The following TFE3 variants were observed in gnomAD, a reference collection of about 807,000 sequenced individuals.
TFE3 encodes transcription factor E3.
Under a neutral mutation model 35.0 loss-of-function variants are expected in TFE3, and 5 were observed. That is an observed-to-expected ratio of 0.14 (90% confidence interval 0.07 to 0.30). The LOEUF (loss-of-function observed/expected upper bound fraction) is 0.30. TFE3 is among the 10% of genes least tolerant of loss of function. TFE3 has a pLI of 1.00. For synonymous variants in TFE3, 211 were observed against 215.6 expected (o/e 0.98, Z 0.18); for missense variants, 374 against 496.6 (o/e 0.75, Z 2.35).
In TFE3 at chrX:49,031,491, C is replaced by T. The variant is rs868939950; in HGVS notation, c.1190G>A (p.Arg397His). The T allele has an allele frequency of 2.5e-6, 3 of 1,199,830 alleles. No individual in the cohort carries two copies. Among genetic ancestry groups the T allele is most frequent in the Non-Finnish European group, 3.4e-6 (3 of 890,071 alleles). The stretch of plus-strand genomic sequence containing the variant: ...GCGCTGCTGCTCCTTCTGCAGCTTG[C>T]GGATATAATCCACAGAGGCCTTCAG... Reference protein sequence around the residue: ...TILKASVDYIRKLQKEQQRSK... With the variant: ...TILKASVDYIHKLQKEQQRSK... The change falls in exon 9 of 10, where the codon CGC becomes CAC. Residue 397 changes from arginine (R) to histidine (H), a missense_variant. Coordinates refer to ENST00000315869, the MANE Select transcript of TFE3 (RefSeq NM_006521.6).
At position 49,030,563 on chromosome X, in the gene TFE3, T is replaced by C. The variant is rs3027472; in HGVS notation, c.1323A>G (p.Val441=). 0.46 allele frequency: 557,159 copies of C among 1,207,205 alleles called. 93,853 individuals are homozygous for C. The highest frequency in any genetic ancestry group is 0.57 in the Middle Eastern group (2,481 of 4,338). Residue 441 remains valine (V), a synonymous_variant, in exon 10 of 10, where the codon GTA becomes GTG. Coordinates refer to ENST00000315869, the MANE Select transcript of TFE3 (RefSeq NM_006521.6). ...ELQAQIHGLP[V]PPTPGLLSLA... ...AGGAAAGCAGCCCTGGAGTGGGAGG[T>C]ACTGGCAGGCCATGGATCTGGGCCT...
At position 49,031,469 on chromosome X, in the gene TFE3, C is replaced by T; in HGVS notation, c.1212G>A (p.Gln404=). The stretch of plus-strand genomic sequence containing the variant: ...GCCGGCTCTCCAGGTCTTTGGAGCG[C>T]TGCTGCTCCTTCTGCAGCTTGCGGA... The part of the protein sequence containing the change: ...DYIRKLQKEQ[Q]RSKDLESRQR... The change falls in exon 9 of 10, where the codon CAG becomes CAA. Residue 404 remains glutamine (Q), a synonymous_variant. Transcript: ENST00000315869. 8.3e-7 allele frequency: 1 copy of T among 1,204,698 alleles called. No homozygotes were observed. The highest frequency in any genetic ancestry group is 1.8e-5 in the South Asian group (1 of 55,651).
At chrX:49,036,847 G>A (rs1341250760) in intron 5 of TFE3, among the ~76,000 whole-genome samples, 5 of 111,742 alleles carry the variant, frequency 4.5e-5, no homozygotes, top group Non-Finnish European at 9.4e-5. Context: ...TGAGACTCTT[G>A]GAGTGTTCAA....
At chrX:49,039,516 C>G (rs2064749414) in intron 2 of TFE3, 106 bp from the exon 3 acceptor site, 1 of 890,183 alleles carries the variant, frequency 1.1e-6, no homozygotes, top group Non-Finnish European at 1.5e-6. Context: ...CAGGCCTGTT[C>G]TCTGCCTTCC....
At chrX:49,033,602 G>A (rs1457478526) in intron 7 of TFE3, 62 bp from the exon 8 acceptor site, 18 of 1,184,646 alleles carry the variant, frequency 1.5e-5, no homozygotes, top group Non-Finnish European at 2.1e-5. Flanking sequence ...AGCCAAAAAT[G>A]GAAGAGACAG....
intron 9 of TFE3, among the ~76,000 whole-genome samples, 159 bp from the exon 10 acceptor site, chrX:49,030,760 A>C (rs2064695507): frequency 8.9e-6 from 1 of 111,736 alleles, no homozygotes; most frequent in Non-Finnish European, 1.9e-5. Context: ...ACATCTCTGA[A>C]GCTTCAGAGT....
Position 49,029,163 on chromosome X carries a change from CCTGAACT to C in TFE3, c.*988_*994del. ...AATACTGAGGTACTGGTTCTGGTAA[CCTGAACT>C]CAGTCCCCCACTAATACCCATCACC... On this transcript the variant is annotated 3_prime_UTR_variant, in exon 10 of 10. Transcript: ENST00000315869. 1 of 174,298 alleles carries C rather than the reference CCTGAACT, an allele frequency of 5.7e-6. No homozygotes were observed. The highest frequency in any genetic ancestry group is 1.1e-5 in the Non-Finnish European group (1 of 90,967). 14.4% of individuals were successfully genotyped at this position (174,298 alleles called of 1,213,427 possible). A position where few individuals can be genotyped will look rare whatever the true frequency, so the allele number is the denominator to read the frequency against.
chrX:49,028,977 G>A lies in TFE3; in HGVS notation c.*1181C>T, dbSNP rs142072134. 4.3e-3 allele frequency: 733 copies of A among 171,334 alleles called. 9 individuals are homozygous for A. Among genetic ancestry groups the A allele is most frequent in the African/African-American group, 0.02 (664 of 33,567 alleles). The allele number at this position is 171,334 out of a possible 1,213,427, so 14.1% of individuals were successfully genotyped here. On this transcript the variant is annotated 3_prime_UTR_variant, in exon 10 of 10. Transcript: ENST00000315869. ...GTGGCCTAGATTCTCAGTATGCGGA[G>A]CAATAAAAAAATCAGATAAACAAAT...
chrX:49,037,515 G>A (rs1490330536), intron 5 of TFE3, among the ~76,000 whole-genome samples: 10 of 109,212 alleles, frequency 9.2e-5, no homozygotes, highest in African/African-American at 3.3e-4. Flanking sequence ...CCTGACCAAC[G>A]TGATGAAACC....
intron 8 of TFE3, chrX:49,032,190 G>A (rs911091389): frequency 8.9e-6 from 1 of 111,983 alleles, no homozygotes; most frequent in Non-Finnish European, 1.9e-5. Context: ...TATGGTACCT[G>A]GCACAAACCA....
rs149649619 is a variant in TFE3 at position 49,030,447 on chromosome X, C to A, written c.1439G>T (p.Gly480Val). The A allele has an allele frequency of 2.8e-4, 336 of 1,209,577 alleles. No homozygotes were observed. The highest frequency in any genetic ancestry group is 2.8e-4 in the Non-Finnish European group (251 of 895,062). Residue 480 changes from glycine to valine, a missense_variant, in exon 10 of 10, where the codon GGG becomes GTG. Physicochemically the swap from Gly to Val is moderately radical, Grantham distance 109 (BLOSUM62 -3). Transcript: ENST00000315869. The stretch of plus-strand genomic sequence containing the variant: ...GGGAGCATTCTGGGCAGGTCCCCCC[C>A]CTACATGGAACGTTGCTGCGCCTGG... Reference protein sequence around the residue: ...GRPGAATFHVGGGPAQNAPHQ... With the variant: ...GRPGAATFHVVGGPAQNAPHQ...
chrX:49,030,047 G>T lies in TFE3; in HGVS notation c.*111C>A. The T allele has an allele frequency of 2.4e-6, 2 of 840,513 alleles. No individual in the cohort carries two copies. The highest frequency in any genetic ancestry group is 2.3e-5 in the South Asian group (1 of 42,676). 69.3% of individuals were successfully genotyped at this position (840,513 alleles called of 1,213,427 possible). ...CCTGATCACATCTCCTCTTCCCCCA[G>T]GATACCTGGGCAGGGCAGTCTCATG... On this transcript the variant is annotated 3_prime_UTR_variant, in exon 10 of 10. Transcript: ENST00000315869.
At chrX:49,031,608 C>A in intron 8 of TFE3, 64 bp from the exon 9 acceptor site, 3 of 1,091,754 alleles carry the variant, frequency 2.7e-6, no homozygotes, top group Middle Eastern at 2.5e-4. Flanking sequence ...GGAGCTGAGG[C>A]GGGGATTGCA....
In TFE3 at chrX:49,039,359, T is replaced by C. The variant is rs147902906; in HGVS notation, c.282A>G (p.Ala94=). 131 of 1,204,732 alleles carry C rather than the reference T, an allele frequency of 1.1e-4. No homozygotes were observed. Among genetic ancestry groups the C allele is most frequent in the Non-Finnish European group, 1.4e-4 (128 of 892,419 alleles). Residue 94 remains alanine, a synonymous_variant, in exon 3 of 10, where the codon GCA becomes GCG. Coordinates refer to ENST00000315869, the MANE Select transcript of TFE3 (RefSeq NM_006521.6). ...ATPATPATLS[A]SSSAGGSRTP... The stretch of plus-strand genomic sequence containing the variant: ...TCCTGGAGCCCCCTGCAGAAGACGA[T>C]GCAGAGAGTGTAGCTGGGGTGGCTG...
intron 1 of TFE3, 56 bp downstream of exon 1, chrX:49,043,055 G>A: frequency 9.7e-7 from 1 of 1,030,728 alleles, no homozygotes; most frequent in Non-Finnish European, 1.3e-6. Context: ...CACTGCCCCC[G>A]AGATCAGGCC....
At chrX:49,039,484 G>T in intron 2 of TFE3, 74 bp from the exon 3 acceptor site, 1 of 1,040,787 alleles carries the variant, frequency 9.6e-7, no homozygotes, top group Non-Finnish European at 1.3e-6. Flanking sequence ...GGGTCTTAGC[G>T]TGACGGAGCA....
At chrX:49,040,256 T>C (rs1557075500) in intron 2 of TFE3, among the ~76,000 whole-genome samples, 199 bp downstream of exon 2, 1 of 110,842 alleles carries the variant, frequency 9.0e-6, no homozygotes, top group Non-Finnish European at 1.9e-5. Context: ...AGGGGAGGTC[T>C]TGACAGAGAT....
At position 49,043,220 on chromosome X, in the gene TFE3, G is replaced by T. The variant is rs1013148614; in HGVS notation, c.7C>A (p.His3Asn). The T allele has an allele frequency of 8.6e-7, 1 of 1,163,043 alleles. No individual in the cohort carries two copies. The highest frequency in any genetic ancestry group is 1.1e-6 in the Non-Finnish European group (1 of 872,934). Residue 3 changes from histidine to asparagine, a missense_variant, in exon 1 of 10, where the codon CAT becomes AAT. His to Asn is a moderately conservative substitution (Grantham distance 68). Transcript: ENST00000315869. The stretch of plus-strand genomic sequence containing the variant: ...CCATCCCGAGCTGGTTCGGCCGCAT[G>T]AGACATGACGCCCGGCCCCGGGCGA... MS[H>N]AAEPARDGVE...
chrX:49,037,963 C>T, intron 5 of TFE3, 47 bp downstream of exon 5: 3 of 1,083,959 alleles, frequency 2.8e-6, no homozygotes, highest in Non-Finnish European at 3.8e-6. Flanking sequence ...CTTGGTGATA[C>T]AGAAATGCCC....
Sources: allele counts gnomAD v4.1 joint callset (sites outside exome capture counted in the v4.1 genomes callset), GRCh38; gene constraint gnomAD v4.1.1; transcripts MANE v1.5; gene names NCBI Gene and HGNC (gene_info 2026-07-23, HGNC 2026-07-21).